Variants in ZNF280D observed in about 807,000 individuals in gnomAD.
ZNF280D encodes the protein zinc finger protein 280D.
ZNF280D carries 39 observed loss-of-function variants against 94.7 expected under a neutral mutation model. That is an observed-to-expected ratio of 0.41 (90% CI 0.32 to 0.54). The LOEUF (loss-of-function observed/expected upper bound fraction) is 0.54. ZNF280D is among the 20% of genes least tolerant of loss of function. The pLI, the probability that ZNF280D is intolerant of heterozygous loss-of-function variation, is 0.22. For missense variants in ZNF280D, 1,090 were observed against 1,149.3 expected (o/e 0.95, Z 0.75); for synonymous variants, 398 against 377.6 (o/e 1.05, Z -0.63).
At chr15:56,653,955 C>T in intron 19 of ZNF280D, 2 of 1,372,008 alleles carry the variant, frequency 1.5e-6, no homozygotes, top group Non-Finnish European at 9.4e-7. Flanking sequence ...ATGAACTTGG[C>T]TGCTCAACTG....
rs761943370 is a variant in ZNF280D at position 56,689,331 on chromosome 15, T to C, written c.639A>G (p.Ser213=). The change falls in exon 8 of 22, where the codon TCA becomes TCG. Residue 213 remains serine (S), a synonymous_variant. Transcript: ENST00000267807. ...SAVLPSVKSP[S]VTSSQAMLAK... is the part of the protein sequence containing the mutation. ...CTAGCATAGCCTGGGAAGAAGTCAC[T>C]GAAGGAGATTTAACTGAAGGTAATA... 23 of 1,607,396 alleles carry C rather than the reference T, an allele frequency of 1.4e-5. No homozygotes were observed. In the Admixed American group the frequency reaches 2.4e-4, roughly 17 times the overall value.
chr15:56,725,751 G>C (rs1016858520), intron 1 of ZNF280D, among the ~76,000 whole-genome samples: 1 of 151,714 alleles, frequency 6.6e-6, no homozygotes, highest in Admixed American at 6.6e-5. Context: ...TCAAAAATTT[G>C]TAAGTTACAT....
At chr15:56,696,740 C>G (rs2056769473) in intron 6 of ZNF280D, among the ~76,000 whole-genome samples, 1 of 152,220 alleles carries the variant, frequency 6.6e-6, no homozygotes, top group South Asian at 2.1e-4. Context: ...GAATACTCCT[C>G]TGTCATTCTT....
intron 1 of ZNF280D, among the ~76,000 whole-genome samples, chr15:56,722,835 C>A (rs1176493489): frequency 2.6e-4 from 40 of 151,944 alleles, no homozygotes; most frequent in Non-Finnish European, 1.5e-5. Flanking sequence ...ACCCAAATGT[C>A]CAACAATGAT....
intron 14 of ZNF280D, chr15:56,668,391 G>A (rs2054441988): frequency 3.1e-6 from 1 of 319,608 alleles, no homozygotes; most frequent in Non-Finnish European, 6.1e-6. Flanking sequence ...AGTAAACTCA[G>A]TAATAACAAC....
chr15:56,691,374 T>C (rs2056413032), intron 7 of ZNF280D, among the ~76,000 whole-genome samples: 1 of 152,178 alleles, frequency 6.6e-6, no homozygotes, highest in African/African-American at 2.4e-5. Flanking sequence ...ATTCACATTC[T>C]TGTGAGATGT....
At chr15:56,712,527 G>A (rs571600471) in intron 1 of ZNF280D, among the ~76,000 whole-genome samples, 1 of 136,022 alleles carries the variant, frequency 7.4e-6, no homozygotes, top group South Asian at 2.4e-4. Flanking sequence ...ATAAGAGGTT[G>A]AGGCTGCAGT....
Sources: gnomAD v4.1 joint callset for allele counts (sites outside exome capture counted in the v4.1 genomes callset) on GRCh38, gnomAD v4.1.1 for gene constraint, MANE v1.5 for transcripts, NCBI Gene and HGNC (gene_info 2026-07-23, HGNC 2026-07-21) for gene names.